Variants in PID1 observed in about 807,000 individuals in gnomAD.
The protein encoded by PID1 is PTB-containing, cubilin and LRP1-interacting protein.
In PID1, 10 loss-of-function variants were observed where a neutral mutation model predicts 19.1. That is an observed-to-expected ratio of 0.52 (90% confidence interval 0.32 to 0.89). The LOEUF (loss-of-function observed/expected upper bound fraction) is 0.89, where lower values mean the gene tolerates loss of function less well. Ranked by LOEUF, PID1 falls within the 40% of genes least tolerant of loss-of-function variation. PID1 has a pLI of 0.03. For synonymous variants in PID1, 130 were observed against 116.0 expected (o/e 1.12, Z -0.78); for missense variants, 248 against 285.3 (o/e 0.87, Z 0.94).
chr2:229,074,115 C>A (rs1056817452), intron 2 of PID1, among the ~76,000 whole-genome samples: 3 of 152,160 alleles, frequency 2.0e-5, no homozygotes, highest in African/African-American at 7.2e-5. Flanking sequence ...TTAGGTTTTA[C>A]AGGACTTGTA....
intron 1 of PID1, among the ~76,000 whole-genome samples, chr2:229,205,251 CACAT>C (rs1691584995): frequency 3.6e-5 from 5 of 139,074 alleles, no homozygotes; most frequent in South Asian, 2.7e-4. Context: ...TACATACACA[CACAT>C]ACTACATACA....
At chr2:229,069,965 C>T (rs1043616301) in intron 2 of PID1, among the ~76,000 whole-genome samples, 3 of 152,184 alleles carry the variant, frequency 2.0e-5, no homozygotes, top group Non-Finnish European at 4.4e-5. Flanking sequence ...ACAGAAAGCA[C>T]CTATATCTGA....
At chr2:229,123,985 T>C (rs1695574282) in intron 2 of PID1, among the ~76,000 whole-genome samples, 1 of 152,196 alleles carries the variant, frequency 6.6e-6, no homozygotes, top group Non-Finnish European at 1.5e-5. Context: ...TGCTGGGTAA[T>C]GAACCTGCTT....
At chr2:229,216,232 G>A (rs1207967794) in intron 1 of PID1, among the ~76,000 whole-genome samples, 2 of 152,304 alleles carry the variant, frequency 1.3e-5, no homozygotes, top group East Asian at 1.9e-4. Flanking sequence ...TATGATGCTT[G>A]CCACGTGGTC....
intron 1 of PID1, among the ~76,000 whole-genome samples, chr2:229,205,062 GAATAACATTTA>G (rs1691580507): frequency 6.6e-6 from 1 of 152,018 alleles, no homozygotes; most frequent in African/African-American, 2.4e-5. Context: ...TACATAAATA[GAATAACATTTA>G]ACTTTAAATC....
intron 2 of PID1, among the ~76,000 whole-genome samples, chr2:229,085,241 G>C (rs1463921894): frequency 2.1e-5 from 3 of 143,484 alleles, no homozygotes; most frequent in Non-Finnish European, 4.6e-5. Flanking sequence ...AAAAAAAAAA[G>C]AGCAAGTACA....
chr2:229,229,238 C>A (rs1448926252), intron 1 of PID1, among the ~76,000 whole-genome samples: 1 of 152,126 alleles, frequency 6.6e-6, no homozygotes, highest in Admixed American at 6.5e-5. Context: ...CCAGCAGTAC[C>A]ACCTTCTCTC....
intron 1 of PID1, among the ~76,000 whole-genome samples, chr2:229,190,927 T>C (rs527405494): frequency 6.6e-6 from 1 of 152,234 alleles, no homozygotes; most frequent in Non-Finnish European, 1.5e-5. Flanking sequence ...TTATTTTTCT[T>C]ATGTGTAAAC....
At chr2:229,258,015 T>C (rs976223375) in intron 1 of PID1, among the ~76,000 whole-genome samples, 6 of 152,182 alleles carry the variant, frequency 3.9e-5, no homozygotes, top group African/African-American at 4.8e-5. Flanking sequence ...CAGCCAGTCA[T>C]AGGGGCCACA....
chr2:229,032,571 G>T lies in PID1; in HGVS notation c.178-6463C>A, dbSNP rs181684725. ...AAATGATACACAGATTTTTCTTTGA[G>T]CCTTCACCACCCAGGGTGCTGGAAC... On this transcript the variant is annotated intron_variant, in intron 2 of 2. Transcript: ENST00000392055. Among the ~76,000 whole-genome samples, 885 of 152,302 alleles carry T rather than the reference G, an allele frequency of 5.8e-3. 2 individuals are homozygous for T. The highest frequency in any genetic ancestry group is 9.4e-3 in the Non-Finnish European group (642 of 68,026).
chr2:229,219,314 G>A (rs919212863), intron 1 of PID1, among the ~76,000 whole-genome samples: 1 of 152,098 alleles, frequency 6.6e-6, no homozygotes, highest in African/African-American at 2.4e-5. Context: ...TTACAATCAT[G>A]GCAAAAGGGG....
intron 1 of PID1, among the ~76,000 whole-genome samples, chr2:229,266,270 AT>A (rs150485823): frequency 1.9e-4 from 28 of 148,460 alleles, no homozygotes; most frequent in Middle Eastern, 3.5e-3. Flanking sequence ...CCTTCTCCCC[AT>A]TTTTTTTTTG....
At chr2:229,030,324 C>T (rs1018904431) in intron 2 of PID1, among the ~76,000 whole-genome samples, 10 of 152,054 alleles carry the variant, frequency 6.6e-5, no homozygotes, top group Admixed American at 5.2e-4. Context: ...GAAGACAGTT[C>T]TGGAGATGGT....
intron 2 of PID1, among the ~76,000 whole-genome samples, chr2:229,097,709 C>T (rs1244175360): frequency 6.6e-6 from 1 of 152,104 alleles, no homozygotes; most frequent in African/African-American, 2.4e-5. Flanking sequence ...CACTATTTCT[C>T]TTGTAAGTGA....
chr2:229,205,398 A>C (rs1386590413), intron 1 of PID1, among the ~76,000 whole-genome samples: 2 of 152,178 alleles, frequency 1.3e-5, no homozygotes, highest in Non-Finnish European at 2.9e-5. Flanking sequence ...CTTGGCAATA[A>C]TTAACACTTT....
intron 2 of PID1, among the ~76,000 whole-genome samples, chr2:229,059,380 C>A (rs918633831): frequency 1.3e-5 from 2 of 152,230 alleles, no homozygotes; most frequent in Non-Finnish European, 2.9e-5. Context: ...CATGGCAATA[C>A]ATGAAAGCAT....
intron 1 of PID1, chr2:229,262,613 C>T: frequency 1.3e-6 from 2 of 1,513,100 alleles, no homozygotes; most frequent in Non-Finnish European, 8.9e-7. Context: ...GGTGTAGTAG[C>T]TACCTAGGGC....
intron 1 of PID1, among the ~76,000 whole-genome samples, chr2:229,238,124 A>G (rs952796099): frequency 4.6e-5 from 7 of 152,122 alleles, no homozygotes; most frequent in Non-Finnish European, 8.8e-5. Flanking sequence ...TTAAAACATT[A>G]TATTTCCTTG....
At chr2:229,246,571 C>T (rs990626701) in intron 1 of PID1, among the ~76,000 whole-genome samples, 6 of 152,004 alleles carry the variant, frequency 3.9e-5, no homozygotes, top group South Asian at 2.1e-4. Context: ...CTGACTGTGC[C>T]GCAAACTTTA....
Sources: allele counts gnomAD v4.1 joint callset (sites outside exome capture counted in the v4.1 genomes callset), GRCh38; gene constraint gnomAD v4.1.1; transcripts MANE v1.5; gene names NCBI Gene and HGNC (gene_info 2026-07-23, HGNC 2026-07-21).